The following LAMA3 variants were observed in gnomAD, a reference collection of about 807,000 sequenced individuals.
The protein encoded by LAMA3 is laminin subunit alpha-3.
In LAMA3, 281 loss-of-function variants were observed where a neutral mutation model predicts 402.0. The observed-to-expected ratio is 0.70, with a 90% CI of 0.63 to 0.77. The LOEUF is 0.77. Ranked by LOEUF, LAMA3 falls within the 30% of genes least tolerant of loss-of-function variation. LAMA3 has a pLI of 0.00. For synonymous variants in LAMA3, 1,431 were observed against 1,558.4 expected (o/e 0.92, Z 1.93); for missense variants, 3,840 against 4,215.5 (o/e 0.91, Z 2.47).
In LAMA3 at chr18:23,814,439, A is replaced by G; in HGVS notation, c.1825A>G (p.Thr609Ala). ...ATGCAAGCTTCATGTTGAAGGTCCT[A>G]CTTGTAGCCGCTGCAAACTGTTATA... Reference protein sequence around the residue: ...CQCKLHVEGPTCSRCKLLYWN... With the variant: ...CQCKLHVEGPACSRCKLLYWN... Residue 609 changes from threonine to alanine, a missense_variant, in exon 15 of 75, where the codon ACT (threonine) becomes GCT (alanine). Physicochemically the swap from Thr to Ala is moderately conservative, Grantham distance 58. This residue lies in a region of LAMA3 where 2,109 missense variants were observed against 2,376.0 expected (regional missense o/e 0.89). Coordinates refer to ENST00000313654, the MANE Select transcript of LAMA3 (RefSeq NM_198129.4). The G allele has an allele frequency of 6.2e-7, 1 of 1,613,910 alleles. No individual in the cohort carries two copies. Among genetic ancestry groups the G allele is most frequent in the Non-Finnish European group, 8.5e-7 (1 of 1,179,798 alleles).
At chr18:23,863,751 T>C (rs1419611943) in intron 35 of LAMA3, among the ~76,000 whole-genome samples, 1 of 152,196 alleles carries the variant, frequency 6.6e-6, no homozygotes, top group Non-Finnish European at 1.5e-5. Flanking sequence ...TATTTTGTTC[T>C]GTCTAATCAG....
chr18:23,884,912 G>T, intron 41 of LAMA3, 59 bp downstream of exon 41: 1 of 1,341,582 alleles, frequency 7.5e-7, no homozygotes, highest in Non-Finnish European at 1.0e-6. Flanking sequence ...GCTGTGGGTG[G>T]GGCTGCCAGG....
intron 60 of LAMA3, among the ~76,000 whole-genome samples, chr18:23,916,982 A>G (rs1374668285): frequency 8.0e-6 from 1 of 125,320 alleles, no homozygotes; most frequent in Non-Finnish European, 1.7e-5. Flanking sequence ...CAGGTAATAA[A>G]TGTAGTACTC....
intron 12 of LAMA3, among the ~76,000 whole-genome samples, 184 bp downstream of exon 12, chr18:23,784,341 T>C (rs2062497796): frequency 6.6e-6 from 1 of 152,176 alleles, no homozygotes; most frequent in Non-Finnish European, 1.5e-5. Context: ...CTTTCCAACC[T>C]TACCCTGCCT....
intron 52 of LAMA3, 89 bp from the exon 53 acceptor site, chr18:23,907,461 C>A: frequency 1.1e-6 from 1 of 916,242 alleles, no homozygotes; most frequent in Non-Finnish European, 1.8e-6. Flanking sequence ...CAATGCTGTG[C>A]AGACACTGGC....
chr18:23,785,289 A>G (rs930442358), intron 12 of LAMA3, among the ~76,000 whole-genome samples: 1 of 152,202 alleles, frequency 6.6e-6, no homozygotes, highest in Non-Finnish European at 1.5e-5. Flanking sequence ...TTAGCTTTCC[A>G]GCCTCTGAAC....
Position 23,951,780 on chromosome 18 carries a change from A to G in LAMA3, c.9736+3A>G, listed in dbSNP as rs781197910. 1 of 1,609,810 alleles carries G rather than the reference A, an allele frequency of 6.2e-7. No homozygotes were observed. The highest frequency in any genetic ancestry group is 1.7e-5 in the Admixed American group (1 of 59,996). ...TGGACAGTGGCACTCGGTGGCAGGT[A>G]TGTTGTCCAGTAGCTGATTGTTCAT... On this transcript the variant is annotated splice_donor_region_variant and intron_variant, in intron 73 of 74. Transcript: ENST00000313654.
rs2060541111 is a variant in LAMA3, at chr18:23,689,698, G to A, written c.15G>A (p.Ala5=). MAAA[A]RPRGRALGPV... ...CGCGCGGCTGGATGGCGGCGGCCGC[G>A]CGGCCTCGGGGTCGGGCACTGGGGC... The change falls in exon 1 of 75, where the codon GCG becomes GCA. Residue 5 remains alanine (A), a synonymous_variant. Transcript: ENST00000313654. The A allele has an allele frequency of 7.6e-7, 1 of 1,320,680 alleles. No individual in the cohort carries two copies. The highest frequency in any genetic ancestry group is 3.1e-5 in the East Asian group (1 of 32,036). 81.8% of individuals were successfully genotyped at this position (1,320,680 alleles called of 1,614,324 possible). A position where few individuals can be genotyped will look rare whatever the true frequency, so the allele number is the denominator to read the frequency against.
intron 1 of LAMA3, among the ~76,000 whole-genome samples, chr18:23,699,024 TAGAGAGAGAG>T (rs34691495): frequency 7.0e-4 from 99 of 142,382 alleles, no homozygotes; most frequent in Admixed American, 6.9e-4. Flanking sequence ...GGCGGGCAGA[TAGAGAGAGAG>T]AGAGAGAGAG....
Position 23,898,897 on chromosome 18 carries a change from A to G in LAMA3, c.5724+49A>G, listed in dbSNP as rs763969642. 5 of 1,578,788 alleles carry G rather than the reference A, an allele frequency of 3.2e-6. No individual in the cohort carries two copies. The East Asian group carries it at 1.1e-4, about 35-fold the overall frequency. On this transcript the variant is annotated intron_variant, in intron 45 of 74. Coordinates refer to ENST00000313654, the MANE Select transcript of LAMA3 (RefSeq NM_198129.4). ...TTTGGGGTTTTTTTGCTTTCAAAGT[A>G]TTTTTATTTTTCCTTATTGACTTAA...
chr18:23,754,491 G>A (rs1035172868), intron 6 of LAMA3, among the ~76,000 whole-genome samples: 3 of 152,110 alleles, frequency 2.0e-5, no homozygotes, highest in African/African-American at 7.2e-5. Context: ...CATCCATATT[G>A]AGCATGTGTC....
At chr18:23,763,097 A>T (rs2062004974) in intron 7 of LAMA3, among the ~76,000 whole-genome samples, 1 of 152,028 alleles carries the variant, frequency 6.6e-6, no homozygotes, top group African/African-American at 2.4e-5. Context: ...ACTCATTGTG[A>T]TCCATCCGCC....
rs1412230017 is a variant in LAMA3, at chr18:23,842,394, GA to G, written c.3338del (p.Asn1113IlefsTer3). The G allele has an allele frequency of 1.2e-6, 2 of 1,613,578 alleles. No homozygotes were observed. The highest frequency in any genetic ancestry group is 4.5e-5 in the East Asian group (2 of 44,862). The stretch of plus-strand genomic sequence containing the variant: ...TTTTTCCTCCTCTTTTTTCCTCTTA[GA>G]ATCAAGTGACCCTGAGAGGACGTGT... ...LPGVTLKAPQ[N>X]QVTLRGRVPH... On this transcript the variant is annotated frameshift_variant and splice_region_variant, in exon 28 of 75. Transcript: ENST00000313654. LOFTEE classifies it high-confidence loss of function.
chr18:23,784,904 A>G lies in LAMA3; in HGVS notation c.1603+747A>G, dbSNP rs567388281. On this transcript the variant is annotated intron_variant, in intron 12 of 74. Coordinates refer to ENST00000313654, the MANE Select transcript of LAMA3 (RefSeq NM_198129.4). ...TATCAGTCCAGGATCAAGGCAGGAA[A>G]TAAAACACCACTTCAGACACTATAA... Among the ~76,000 whole-genome samples the G allele has an allele frequency of 1.2e-3, 182 of 152,320 alleles. 1 individual carries two copies. Among genetic ancestry groups the G allele is most frequent in the South Asian group, 1.9e-3 (9 of 4,824 alleles).
chr18:23,881,941 T>C lies in LAMA3; in HGVS notation c.5118T>C (p.Cys1706=). 6.2e-7 allele frequency: 1 copy of C among 1,612,074 alleles called. No homozygotes were observed. Among genetic ancestry groups the C allele is most frequent in the South Asian group, 1.1e-5 (1 of 91,048 alleles). The change falls in exon 40 of 75, where the codon TGT becomes TGC. Residue 1706 remains cysteine, a synonymous_variant. Coordinates refer to ENST00000313654, the MANE Select transcript of LAMA3 (RefSeq NM_198129.4). ...TGCTGTTCACCTGTCCCCAGAACTG[T>C]CAGCACAACACCGCGGGAGAGCACT... is the stretch of plus-strand genomic sequence containing the variant. The part of the protein sequence containing the change: ...CQDGSGICVN[C]QHNTAGEHCE...
At chr18:23,714,244 G>T (rs2061052767) in intron 2 of LAMA3, among the ~76,000 whole-genome samples, 172 bp downstream of exon 2, 1 of 152,144 alleles carries the variant, frequency 6.6e-6, no homozygotes, top group South Asian at 2.1e-4. Flanking sequence ...AATAGGCCAG[G>T]CACAGTGGCT....
chr18:23,881,636 T>A (rs987786400), intron 39 of LAMA3, among the ~76,000 whole-genome samples: 1 of 152,210 alleles, frequency 6.6e-6, no homozygotes, highest in South Asian at 2.1e-4. Context: ...ATTGAAAGGA[T>A]CTTGCCCCAG....
intron 1 of LAMA3, among the ~76,000 whole-genome samples, chr18:23,712,400 T>C (rs1319980793): frequency 2.0e-5 from 3 of 148,746 alleles, no homozygotes; most frequent in Non-Finnish European, 4.5e-5. Context: ...AAAAAAAAGT[T>C]ATTCATTAAG....
At chr18:23,728,412 C>G (rs925066774) in intron 2 of LAMA3, among the ~76,000 whole-genome samples, 5 of 152,142 alleles carry the variant, frequency 3.3e-5, no homozygotes, top group Admixed American at 6.5e-5. Context: ...TAAGGAGGAT[C>G]TTGGCTCCTG....
Sources: gnomAD v4.1 joint callset for allele counts (sites outside exome capture counted in the v4.1 genomes callset) on GRCh38, gnomAD v4.1.1 for gene constraint, gnomAD v4.1.1 regional missense constraint, MANE v1.5 for transcripts, NCBI Gene and HGNC (gene_info 2026-07-23, HGNC 2026-07-21) for gene names.